The following SPOCK1 variants were observed in gnomAD, a reference collection of about 807,000 sequenced individuals.
The protein encoded by SPOCK1 is SPARC (osteonectin), cwcv and kazal like domains proteoglycan 1, also known as testican-1.
In SPOCK1, 23 loss-of-function variants were observed where a neutral mutation model predicts 55.3. The ratio of observed to expected loss-of-function variants is 0.42; its 90% CI spans 0.30 to 0.59. SPOCK1 has a LOEUF of 0.59. SPOCK1 is among the 20% of genes least tolerant of loss of function. SPOCK1 has a pLI of 0.22. For synonymous variants in SPOCK1, 226 were observed against 221.0 expected (o/e 1.02, Z -0.20); for missense variants, 499 against 552.5 (o/e 0.90, Z 0.97).
At chr5:137,477,351 GT>G in intron 2 of SPOCK1, among the ~76,000 whole-genome samples, 1 of 152,154 alleles carries the variant, frequency 6.6e-6, no homozygotes, top group South Asian at 2.1e-4. Flanking sequence ...TTTATTTTAT[GT>G]TTTGTTTTTT....
intron 2 of SPOCK1, among the ~76,000 whole-genome samples, chr5:137,436,299 T>C (rs967041844): frequency 1.3e-5 from 2 of 152,212 alleles, no homozygotes; most frequent in Non-Finnish European, 2.9e-5. Context: ...AATTTTTGCA[T>C]CAAATCAAAA....
chr5:137,188,219 C>T (rs184851208), intron 3 of SPOCK1, among the ~76,000 whole-genome samples: 14 of 152,320 alleles, frequency 9.2e-5, no homozygotes, highest in East Asian at 1.9e-4. Flanking sequence ...CCCAACTTGC[C>T]GCTTGCTCCA....
At chr5:137,286,694 G>T (rs531909247) in intron 2 of SPOCK1, among the ~76,000 whole-genome samples, 4 of 152,176 alleles carry the variant, frequency 2.6e-5, no homozygotes, top group Non-Finnish European at 5.9e-5. Context: ...AAATCACAGA[G>T]CAGGAGGGTG....
At chr5:137,445,831 T>C (rs1406409008) in intron 2 of SPOCK1, among the ~76,000 whole-genome samples, 1 of 152,152 alleles carries the variant, frequency 6.6e-6, no homozygotes. Context: ...AGACTGGACA[T>C]ACAATCACTT....
chr5:137,477,302 GT>G (rs1320316228), intron 2 of SPOCK1, among the ~76,000 whole-genome samples: 7 of 151,972 alleles, frequency 4.6e-5, no homozygotes, highest in Non-Finnish European at 7.4e-5. Context: ...AGGATTACAG[GT>G]TTTTTTTCTT....
chr5:136,977,944 T>C lies in SPOCK1; in HGVS notation c.*710A>G. ...GTTTTTAAGATACCCAAACACTTTT[T>C]CTGAGAGGTATGGGTGTGTGTGCAA... On this transcript the variant is annotated 3_prime_UTR_variant, in exon 11 of 11. Transcript: ENST00000394945. The C allele has an allele frequency of 2.5e-6, 1 of 398,970 alleles. No homozygotes were observed. The highest frequency in any genetic ancestry group is 4.4e-6 in the Non-Finnish European group (1 of 226,038). The allele number at this position is 398,970 out of a possible 1,614,324, so 24.7% of individuals were successfully genotyped here.
intron 2 of SPOCK1, among the ~76,000 whole-genome samples, chr5:137,377,914 G>A (rs1416722755): frequency 6.6e-6 from 1 of 150,612 alleles, no homozygotes; most frequent in Non-Finnish European, 1.5e-5. Context: ...AGACAGAGCT[G>A]GCAGAAATGC....
At chr5:137,417,358 TA>T (rs1329291403) in intron 2 of SPOCK1, among the ~76,000 whole-genome samples, 1 of 151,676 alleles carries the variant, frequency 6.6e-6, no homozygotes, top group South Asian at 2.1e-4. Context: ...TTCATTTTTT[TA>T]AAAAAATCAA....
intron 2 of SPOCK1, among the ~76,000 whole-genome samples, chr5:137,491,866 TA>T (rs966860430): frequency 6.6e-4 from 100 of 152,272 alleles, no homozygotes; most frequent in African/African-American, 2.3e-3. Flanking sequence ...TTAAATAAGC[TA>T]AAATGTAGAT....
At position 137,449,128 on chromosome 5, in the gene SPOCK1, G is replaced by A. The variant is rs557157286; in HGVS notation, c.186+49245C>T. 2.0e-3 allele frequency among the ~76,000 whole-genome samples: 306 copies of A among 152,318 alleles called. 3 individuals are homozygous for A. The highest frequency in any genetic ancestry group is 7.2e-3 in the African/African-American group (298 of 41,572). On this transcript the variant is annotated intron_variant, in intron 2 of 10. Coordinates refer to ENST00000394945, the MANE Select transcript of SPOCK1 (RefSeq NM_004598.4). ...AGCCCCCAGGACAGTTGCAGGACCA[G>A]GTGCCCTGGCACTCTTTCCAGCCTG...
intron 2 of SPOCK1, among the ~76,000 whole-genome samples, chr5:137,355,470 T>G (rs775609771): frequency 1.2e-4 from 19 of 152,180 alleles, no homozygotes; most frequent in South Asian, 4.1e-4. Flanking sequence ...ATTACAGGAA[T>G]GAGCCACCAC....
At chr5:137,206,495 C>T (rs548543105) in intron 3 of SPOCK1, among the ~76,000 whole-genome samples, 33 of 152,336 alleles carry the variant, frequency 2.2e-4, no homozygotes, top group African/African-American at 6.3e-4. Flanking sequence ...ATGGGAGAAG[C>T]CAGGGCCATG....
At chr5:137,044,321 T>C (rs1441310179) in intron 6 of SPOCK1, among the ~76,000 whole-genome samples, 1 of 152,206 alleles carries the variant, frequency 6.6e-6, no homozygotes, top group Non-Finnish European at 1.5e-5. Context: ...AGCAGGGACT[T>C]CTTAGCAAAG....
intron 3 of SPOCK1, among the ~76,000 whole-genome samples, chr5:137,215,108 T>C (rs1019876815): frequency 1.3e-5 from 2 of 152,320 alleles, no homozygotes; most frequent in Non-Finnish European, 2.9e-5. Context: ...GTAATTTCAA[T>C]GGGAGAAAAC....
chr5:137,346,894 G>A (rs745502856), intron 2 of SPOCK1, among the ~76,000 whole-genome samples: 1 of 152,114 alleles, frequency 6.6e-6, no homozygotes, highest in African/African-American at 2.4e-5. Context: ...TGCCTAGTGG[G>A]GCAGACTCCA....
chr5:137,402,441 G>C (rs1752003703), intron 2 of SPOCK1, among the ~76,000 whole-genome samples: 1 of 152,190 alleles, frequency 6.6e-6, no homozygotes. Context: ...ACAACCATTT[G>C]GAGTGGGAAT....
Position 137,315,581 on chromosome 5 carries a change from A to G in SPOCK1, c.187-48526T>C, listed in dbSNP as rs112300077. 6.3e-3 allele frequency among the ~76,000 whole-genome samples: 956 copies of G among 152,306 alleles called. 13 individuals are homozygous for G. The highest frequency in any genetic ancestry group is 0.024 in the Middle Eastern group (7 of 294). On this transcript the variant is annotated intron_variant, in intron 2 of 10. Transcript: ENST00000394945. Reference sequence around the variant, plus strand: ...ATGCCAGGACATGCCACCAGAGCACATCGAGTGGCCTCCTGCTGCACTGAT... The same window carrying G: ...ATGCCAGGACATGCCACCAGAGCACGTCGAGTGGCCTCCTGCTGCACTGAT...
At chr5:137,189,524 C>G (rs1034304715) in intron 3 of SPOCK1, among the ~76,000 whole-genome samples, 1 of 152,130 alleles carries the variant, frequency 6.6e-6, no homozygotes, top group East Asian at 1.9e-4. Flanking sequence ...ATTAAACTCA[C>G]GGTTACGATA....
chr5:137,327,535 C>T (rs886378650), intron 2 of SPOCK1, among the ~76,000 whole-genome samples: 2 of 152,136 alleles, frequency 1.3e-5, no homozygotes, highest in African/African-American at 2.4e-5. Flanking sequence ...TTGAGACTTT[C>T]GGTTTTAATC....
Sources: allele counts gnomAD v4.1 joint callset (sites outside exome capture counted in the v4.1 genomes callset), GRCh38; gene constraint gnomAD v4.1.1; transcripts MANE v1.5; gene names NCBI Gene and HGNC (gene_info 2026-07-23, HGNC 2026-07-21).